The following SEZ6L variants were observed in gnomAD, a reference collection of about 807,000 sequenced individuals.
SEZ6L encodes the protein seizure 6-like protein.
SEZ6L carries 37 observed loss-of-function variants against 106.2 expected under a neutral mutation model. The observed-to-expected ratio is 0.35, with a 90% confidence interval of 0.27 to 0.46. SEZ6L has a LOEUF of 0.46. SEZ6L is among the 20% of genes least tolerant of loss of function. The pLI is 1.00. For synonymous variants in SEZ6L, 541 were observed against 570.4 expected (o/e 0.95, Z 0.73); for missense variants, 1,172 against 1,332.8 (o/e 0.88, Z 1.88).
chr22:26,235,171 C>T (rs527638274), intron 1 of SEZ6L, among the ~76,000 whole-genome samples: 2 of 152,166 alleles, frequency 1.3e-5, no homozygotes, highest in East Asian at 3.9e-4. Context: ...GTTGGATATT[C>T]CCTGGTTTGG....
chr22:26,262,103 A>G (rs1035474085), intron 1 of SEZ6L, among the ~76,000 whole-genome samples: 13 of 151,848 alleles, frequency 8.6e-5, no homozygotes, highest in African/African-American at 2.9e-4. Context: ...CTATGAGACA[A>G]AAGAATTCTG....
chr22:26,220,341 A>T (rs2078427852), intron 1 of SEZ6L, among the ~76,000 whole-genome samples: 1 of 152,222 alleles, frequency 6.6e-6, no homozygotes, highest in African/African-American at 2.4e-5. Flanking sequence ...ATAGAATTGT[A>T]AGTCAGCATC....
At position 26,306,072 on chromosome 22, in the gene SEZ6L, G is replaced by A. The variant is rs749689702; in HGVS notation, c.1442G>A (p.Trp481Ter). The A allele has an allele frequency of 1.2e-6, 2 of 1,614,188 alleles. No homozygotes were observed. The highest frequency in any genetic ancestry group is 1.7e-6 in the Non-Finnish European group (2 of 1,180,028). Reference protein sequence around the residue: ...ENTNGSQFCIWTIEAPEGQKL... With the variant: ...ENTNGSQFCI ...ACAAATGGGAGCCAATTCTGCATCT[G>A]GACGATTGAAGCTCCAGAGGGCCAG... is the stretch of plus-strand genomic sequence containing the variant. The change falls in exon 6 of 17, where the codon TGG (tryptophan) becomes TAG (stop). Residue 481 changes from tryptophan (W) to a stop codon, truncating the protein, a stop_gained. Coordinates refer to ENST00000248933, the MANE Select transcript of SEZ6L (RefSeq NM_021115.5). LOFTEE classifies it high-confidence loss of function.
At chr22:26,198,406 A>G (rs999630988) in intron 1 of SEZ6L, among the ~76,000 whole-genome samples, 1 of 152,240 alleles carries the variant, frequency 6.6e-6, no homozygotes, top group African/African-American at 2.4e-5. Flanking sequence ...GATTCCTTTG[A>G]AAACTTGTGG....
intron 9 of SEZ6L, among the ~76,000 whole-genome samples, chr22:26,327,685 C>A (rs1387901586): frequency 6.6e-6 from 1 of 151,402 alleles, no homozygotes; most frequent in Non-Finnish European, 1.5e-5. Flanking sequence ...CTACACACAC[C>A]ACACACACCC....
chr22:26,322,976 G>C (rs1004166158), intron 9 of SEZ6L, among the ~76,000 whole-genome samples: 1 of 152,198 alleles, frequency 6.6e-6, no homozygotes. Context: ...ATTACGGAAA[G>C]GAGAATAAGG....
intron 1 of SEZ6L, among the ~76,000 whole-genome samples, chr22:26,171,337 T>A (rs1191274368): frequency 6.6e-6 from 1 of 152,192 alleles, no homozygotes; most frequent in Non-Finnish European, 1.5e-5. Flanking sequence ...TTTCTAACAA[T>A]GGCTTGGTGG....
rs113597491 is a variant in SEZ6L, at chr22:26,327,601, T to C, written c.2016-12835T>C. Among the ~76,000 whole-genome samples, 593 of 126,142 alleles carry C rather than the reference T, an allele frequency of 4.7e-3. 2 individuals are homozygous for C. The highest frequency in any genetic ancestry group is 7.9e-3 in the Non-Finnish European group (480 of 60,756). 82.8% of individuals were successfully genotyped at this position (126,142 alleles called of 152,430 possible). A position where few individuals can be genotyped will look rare whatever the true frequency, so the allele number is the denominator to read the frequency against. ...CACATGACACGACACATGCCACACATGCCACACACACCACATGACACTAAA... is the reference window on the plus strand; with the variant it reads ...CACATGACACGACACATGCCACACACGCCACACACACCACATGACACTAAA... On this transcript the variant is annotated intron_variant, in intron 9 of 16. Transcript: ENST00000248933.
chr22:26,243,168 G>T (rs2079195620), intron 1 of SEZ6L, among the ~76,000 whole-genome samples: 1 of 152,124 alleles, frequency 6.6e-6, no homozygotes, highest in African/African-American at 2.4e-5. Context: ...ATCTTAACTT[G>T]ATTATATCTG....
intron 6 of SEZ6L, among the ~76,000 whole-genome samples, chr22:26,307,053 G>A (rs968095325): frequency 3.3e-5 from 5 of 152,172 alleles, no homozygotes; most frequent in African/African-American, 1.2e-4. Flanking sequence ...GTTAATAAGC[G>A]GGTGACTGCT....
chr22:26,273,654 A>T (rs987358015), intron 1 of SEZ6L, among the ~76,000 whole-genome samples: 7 of 152,204 alleles, frequency 4.6e-5, no homozygotes, highest in Admixed American at 2.6e-4. Context: ...TGGGGCTCTG[A>T]TGCCCAGTGA....
chr22:26,214,713 G>A (rs975034579), intron 1 of SEZ6L, among the ~76,000 whole-genome samples: 1 of 152,290 alleles, frequency 6.6e-6, no homozygotes, highest in Non-Finnish European at 1.5e-5. Context: ...CCCAGATTTG[G>A]AGGGGAGGAA....
At chr22:26,304,389 A>AAAGAAAGT (rs1556332204) in intron 5 of SEZ6L, among the ~76,000 whole-genome samples, 1 of 127,346 alleles carries the variant, frequency 7.9e-6, no homozygotes, top group Non-Finnish European at 1.7e-5. Flanking sequence ...AGAAAGAAAG[A>AAAGAAAGT]AAGAAAGAAA....
intron 13 of SEZ6L, among the ~76,000 whole-genome samples, chr22:26,366,923 C>T (rs1485286187): frequency 1.3e-5 from 2 of 152,074 alleles, no homozygotes; most frequent in Non-Finnish European, 2.9e-5. Context: ...GCTGGGATTG[C>T]AGGTATGAGC....
chr22:26,326,387 T>C (rs1431562486), intron 9 of SEZ6L, among the ~76,000 whole-genome samples: 1 of 152,222 alleles, frequency 6.6e-6, no homozygotes, highest in Non-Finnish European at 1.5e-5. Context: ...ACCATGTGGC[T>C]AGAGTTGCAT....
At chr22:26,271,818 T>C (rs1391905555) in intron 1 of SEZ6L, among the ~76,000 whole-genome samples, 2 of 152,228 alleles carry the variant, frequency 1.3e-5, no homozygotes, top group Admixed American at 6.5e-5. Context: ...GCCTTGGGCA[T>C]TTCTTCATGG....
chr22:26,296,780 G>A, intron 3 of SEZ6L, 108 bp from the exon 4 acceptor site: 4 of 932,464 alleles, frequency 4.3e-6, no homozygotes, highest in South Asian at 2.7e-5. Flanking sequence ...CGTTGACCAG[G>A]GGCTAGCAGT....
intron 1 of SEZ6L, among the ~76,000 whole-genome samples, chr22:26,242,221 C>T (rs1412159081): frequency 2.6e-5 from 4 of 152,242 alleles, no homozygotes; most frequent in Non-Finnish European, 5.9e-5. Flanking sequence ...AGGCTGACTT[C>T]ACACAGTAGG....
rs73879873 is a variant in SEZ6L, at chr22:26,339,884, T to G, written c.2016-552T>G. On this transcript the variant is annotated intron_variant, in intron 9 of 16. Transcript: ENST00000248933. ...AGGTGATTCTTCTTACAATGCAGCA[T>G]TTGACTTTGCAATGAGTCCCATGCA... Among the ~76,000 whole-genome samples, 735 of 152,292 alleles carry G rather than the reference T, an allele frequency of 4.8e-3. 8 individuals carry two copies. Among genetic ancestry groups the G allele is most frequent in the African/African-American group, 0.017 (715 of 41,564 alleles).
Sources: gnomAD v4.1 joint callset for allele counts (sites outside exome capture counted in the v4.1 genomes callset) on GRCh38, gnomAD v4.1.1 for gene constraint, MANE v1.5 for transcripts, NCBI Gene and HGNC (gene_info 2026-07-23, HGNC 2026-07-21) for gene names.